NCALD: variants seen among roughly 807,000 people sequenced by gnomAD.
The protein encoded by NCALD is neurocalcin-delta.
NCALD carries 10 observed loss-of-function variants against 18.6 expected under a neutral mutation model. That is an observed-to-expected ratio of 0.54 (90% CI 0.33 to 0.91). The LOEUF is 0.91. NCALD is among the 40% of genes least tolerant of loss of function. NCALD has a pLI of 0.03. For missense variants in NCALD, 184 were observed against 247.6 expected, an observed-to-expected ratio of 0.74 and a Z score of 1.72; for synonymous variants, 88 against 87.4, an observed-to-expected ratio of 1.01 and a Z score of -0.04.
chr8:102,087,401 T>C (rs913506254), intron 1 of NCALD, among the ~76,000 whole-genome samples: 1 of 152,076 alleles, frequency 6.6e-6, no homozygotes. Flanking sequence ...CAGCACTGAT[T>C]GGCCGGCTTT....
chr8:102,084,742 C>T (rs1244118675), intron 1 of NCALD, among the ~76,000 whole-genome samples: 1 of 152,182 alleles, frequency 6.6e-6, no homozygotes, highest in East Asian at 1.9e-4. Flanking sequence ...CTTGAACCCG[C>T]CCAACTCCGG....
intron 2 of NCALD, among the ~76,000 whole-genome samples, chr8:102,018,443 C>T (rs927056784): frequency 3.9e-5 from 6 of 152,124 alleles, no homozygotes; most frequent in Non-Finnish European, 5.9e-5. Context: ...ATACTTATAA[C>T]AGCATGGATG....
At chr8:101,863,873 C>T (rs1815648873) in intron 4 of NCALD, among the ~76,000 whole-genome samples, 2 of 152,114 alleles carry the variant, frequency 1.3e-5, no homozygotes, top group Admixed American at 1.3e-4. Flanking sequence ...AACAGCAAAC[C>T]AGGGTTGTGG....
chr8:101,979,442 A>G (rs1820537069), intron 2 of NCALD, among the ~76,000 whole-genome samples: 2 of 152,220 alleles, frequency 1.3e-5, no homozygotes, highest in Admixed American at 6.5e-5. Context: ...GCAAATATGC[A>G]TGAGAAATAT....
intron 3 of NCALD, among the ~76,000 whole-genome samples, chr8:101,913,907 G>A (rs1817887960): frequency 6.6e-6 from 1 of 152,054 alleles, no homozygotes; most frequent in East Asian, 1.9e-4. Flanking sequence ...CAAATAAATG[G>A]TTTATTTTCA....
chr8:101,877,038 T>C (rs907884942), intron 4 of NCALD, among the ~76,000 whole-genome samples: 1 of 152,226 alleles, frequency 6.6e-6, no homozygotes, highest in African/African-American at 2.4e-5. Flanking sequence ...ACAAAGTCTT[T>C]AAGTCTTAAG....
chr8:101,967,473 G>A (rs1406276846), intron 2 of NCALD, among the ~76,000 whole-genome samples: 1 of 152,072 alleles, frequency 6.6e-6, no homozygotes, highest in African/African-American at 2.4e-5. Context: ...GAATCCTAGG[G>A]GCCCAATATT....
chr8:101,876,951 C>G (rs188606079), intron 4 of NCALD, among the ~76,000 whole-genome samples: 3 of 152,286 alleles, frequency 2.0e-5, no homozygotes, highest in Admixed American at 1.3e-4. Context: ...TCTCCCCTGG[C>G]TAGGATATAT....
At chr8:101,707,683 C>T (rs1044394622) in intron 2 of NCALD, among the ~76,000 whole-genome samples, 1 of 152,116 alleles carries the variant, frequency 6.6e-6, no homozygotes, top group Admixed American at 6.5e-5. Flanking sequence ...TGAATCACAA[C>T]TAGGAGAGAA....
chr8:101,892,785 G>A (rs878919532), intron 3 of NCALD, among the ~76,000 whole-genome samples: 5 of 150,074 alleles, frequency 3.3e-5, no homozygotes, highest in African/African-American at 7.6e-5. Context: ...GAAATGAATG[G>A]AATGAAGCGA....
intron 4 of NCALD, among the ~76,000 whole-genome samples, chr8:101,831,037 T>G (rs1799120025): frequency 6.6e-6 from 1 of 152,136 alleles, no homozygotes; most frequent in African/African-American, 2.4e-5. Context: ...TGACCTGGCT[T>G]GAGTGTACAT....
chr8:101,837,910 C>A lies in NCALD; in HGVS notation c.-20+49231G>T, dbSNP rs573962311. Among the ~76,000 whole-genome samples, 21 of 152,264 alleles carry A rather than the reference C, an allele frequency of 1.4e-4. 1 individual carries two copies. The South Asian group carries it at 4.4e-3, about 32-fold the overall frequency. On this transcript the variant is annotated intron_variant, in intron 4 of 6. Transcript: ENST00000311028. ...CATTGAAACATTCTATATTGCAATT[C>A]TATTTGTTGGTCTGTCCCTCCTCTT...
chr8:101,826,409 CA>C lies in NCALD; in HGVS notation c.-20+60731del, dbSNP rs111726223. On this transcript the variant is annotated intron_variant, in intron 4 of 6. Transcript: ENST00000311028. ...AGACTTCTAGAATCTTCCCATGATTCAGGGGTTAGAGGGTTGTGAGGTATCA... is the reference window on the plus strand; with the variant it reads ...AGACTTCTAGAATCTTCCCATGATTCGGGGTTAGAGGGTTGTGAGGTATCA... 4.1e-3 allele frequency among the ~76,000 whole-genome samples: 621 copies of C among 150,668 alleles called. 7 individuals carry two copies. The highest frequency in any genetic ancestry group is 0.014 in the African/African-American group (580 of 40,550).
At chr8:101,932,964 A>G (rs1818631996) in intron 2 of NCALD, among the ~76,000 whole-genome samples, 1 of 152,174 alleles carries the variant, frequency 6.6e-6, no homozygotes, top group Non-Finnish European at 1.5e-5. Context: ...TTTGTTTTCT[A>G]TTACCTAGAA....
chr8:101,978,650 TGG>T (rs1820511141), intron 2 of NCALD, among the ~76,000 whole-genome samples: 1 of 151,810 alleles, frequency 6.6e-6, no homozygotes, highest in African/African-American at 2.4e-5. Context: ...GTGCAGGTGG[TGG>T]TGGTGGTGGT....
chr8:101,918,826 A>G (rs1188397759), intron 2 of NCALD, among the ~76,000 whole-genome samples: 1 of 151,972 alleles, frequency 6.6e-6, no homozygotes, highest in African/African-American at 2.4e-5. Flanking sequence ...TACAAGGAAA[A>G]CTACAAGACA....
chr8:102,030,617 C>T (rs184164465), intron 1 of NCALD, among the ~76,000 whole-genome samples: 46 of 152,334 alleles, frequency 3.0e-4, no homozygotes, highest in Middle Eastern at 3.4e-3. Flanking sequence ...CACAGTGGCT[C>T]ATGCCTGTAA....
intron 2 of NCALD, chr8:101,693,986 G>A (rs1814868076): frequency 7.1e-6 from 1 of 141,638 alleles, no homozygotes; most frequent in Non-Finnish European, 1.5e-5. Context: ...GTGGAGTTTT[G>A]TAAGCACTAC....
chr8:101,772,069 C>G (rs1382780749), intron 1 of NCALD, among the ~76,000 whole-genome samples: 1 of 152,156 alleles, frequency 6.6e-6, no homozygotes, highest in African/African-American at 2.4e-5. Flanking sequence ...CTACACACCC[C>G]TGAGACTAGA....
Sources: allele counts gnomAD v4.1 joint callset (sites outside exome capture counted in the v4.1 genomes callset), GRCh38; gene constraint gnomAD v4.1.1; transcripts MANE v1.5; gene names NCBI Gene and HGNC (gene_info 2026-07-23, HGNC 2026-07-21).